Variants in ADCY1 observed in about 807,000 individuals in gnomAD.
ADCY1 encodes the protein adenylate cyclase 1.
ADCY1 carries 28 observed loss-of-function variants against 105.4 expected under a neutral mutation model. That is an observed-to-expected ratio of 0.27 (90% CI 0.20 to 0.36). The LOEUF is 0.36. Ranked by LOEUF, ADCY1 falls within the 10% of genes least tolerant of loss-of-function variation. The pLI, the probability that ADCY1 is intolerant of heterozygous loss-of-function variation, is 1.00. For synonymous variants in ADCY1, 655 were observed against 623.8 expected, an observed-to-expected ratio of 1.05 and a Z score of -0.75; for missense variants, 977 against 1,434.2, an observed-to-expected ratio of 0.68 and a Z score of 5.15.
Position 45,710,339 on chromosome 7 carries a change from C to G in ADCY1, c.2933-189C>G, listed in dbSNP as rs1423769159. On this transcript the variant is annotated intron_variant, in intron 18 of 19. Transcript: ENST00000297323. This position sits in a 1 kb window ranked among gnomAD's most constrained non-coding sequence, Gnocchi z 4.7. ...GCCCAGGGGAGCCCGTGCAGCAGGG[C>G]AGCTGCCTCTCTGGTGCTGTGTGTG... Among the ~76,000 whole-genome samples, 1 of 152,150 alleles carries G rather than the reference C, an allele frequency of 6.6e-6. No individual in the cohort carries two copies. Among genetic ancestry groups the G allele is most frequent in the African/African-American group, 2.4e-5 (1 of 41,428 alleles).
In ADCY1 at chr7:45,717,822, G is replaced by C. The variant is rs779734621; in HGVS notation, c.*3827G>C. 1.3e-5 allele frequency: 2 copies of C among 152,580 alleles called. No individual in the cohort carries two copies. Among genetic ancestry groups the C allele is most frequent in the African/African-American group, 2.4e-5 (1 of 41,440 alleles). 9.5% of individuals were successfully genotyped at this position (152,580 alleles called of 1,614,324 possible). On this transcript the variant is annotated 3_prime_UTR_variant, in exon 20 of 20. Coordinates refer to ENST00000297323, the MANE Select transcript of ADCY1 (RefSeq NM_021116.4). ...ACCCAGCAACCCAAGTTGCCAGCCC[G>C]TGTTTCTCAGACTTTAAAGCCACCA... is the stretch of plus-strand genomic sequence containing the variant.
Position 45,708,297 on chromosome 7 carries a change from C to T in ADCY1, c.2818-53C>T. The T allele has an allele frequency of 7.3e-7, 1 of 1,370,954 alleles. No homozygotes were observed. Among genetic ancestry groups the T allele is most frequent in the Non-Finnish European group, 1.0e-6 (1 of 964,040 alleles). 84.9% of individuals were successfully genotyped at this position (1,370,954 alleles called of 1,614,324 possible). On this transcript the variant is annotated intron_variant, in intron 17 of 19. Coordinates refer to ENST00000297323, the MANE Select transcript of ADCY1 (RefSeq NM_021116.4). The surrounding 1 kb of genome is among the most constrained non-coding windows in gnomAD (Gnocchi z 4.7). ...TGGGCACTGCAGGTTGGTCCCTGGC[C>T]CCCTCTTGCCTTGCACTCCCCAGAT...
chr7:45,712,069 ATATAT>A (rs1295821773), intron 19 of ADCY1, among the ~76,000 whole-genome samples: 3 of 131,586 alleles, frequency 2.3e-5, no homozygotes, highest in Non-Finnish European at 3.1e-5. Context: ...TATATATTTT[ATATAT>A]TATATTAAAT....
intron 3 of ADCY1, among the ~76,000 whole-genome samples, chr7:45,620,169 A>G (rs1793852059): frequency 6.6e-6 from 1 of 152,242 alleles, no homozygotes; most frequent in African/African-American, 2.4e-5. Context: ...GCAATATTCC[A>G]CTTGTATGAG....
chr7:45,583,129 C>G (rs1361442343), intron 1 of ADCY1, among the ~76,000 whole-genome samples: 1 of 152,216 alleles, frequency 6.6e-6, no homozygotes, highest in Non-Finnish European at 1.5e-5. Flanking sequence ...TGCCTGTGTG[C>G]ACACATGTGC....
intron 8 of ADCY1, among the ~76,000 whole-genome samples, chr7:45,674,259 A>G (rs573212579): frequency 5.3e-5 from 8 of 152,186 alleles, no homozygotes; most frequent in Non-Finnish European, 1.2e-4. Context: ...TGCATGGAGT[A>G]TTTTATAAAT....
chr7:45,616,825 G>T (rs1047870179), intron 3 of ADCY1, among the ~76,000 whole-genome samples: 43 of 152,144 alleles, frequency 2.8e-4, no homozygotes, highest in African/African-American at 1.0e-3. Context: ...AGCAATTAGA[G>T]AAGAAAGAAC....
intron 19 of ADCY1, among the ~76,000 whole-genome samples, 191 bp from the exon 20 acceptor site, chr7:45,713,502 A>G (rs1211772439): frequency 6.6e-6 from 1 of 152,190 alleles, no homozygotes. Flanking sequence ...CTTTTTTAAC[A>G]TAGTGACCCA....
In ADCY1 at chr7:45,679,719, G is replaced by A. The variant is rs758123609; in HGVS notation, c.1909G>A (p.Val637Ile). 2.0e-5 allele frequency: 32 copies of A among 1,614,038 alleles called. No homozygotes were observed. The highest frequency in any genetic ancestry group is 1.6e-4 in the African/African-American group (12 of 74,918). ...YLLIFPQSVVVLLLLVFCICF... is the reference protein window; with the variant it reads ...YLLIFPQSVVILLLLVFCICF... ...TTTTCTGTCCCCCAGGAGTGTGGTC[G>A]TCCTGCTCCTGCTAGTATTCTGCAT... Residue 637 changes from valine (V) to isoleucine (I), a missense_variant, in exon 11 of 20, where the codon GTC (valine) becomes ATC (isoleucine). Transcript: ENST00000297323.
chr7:45,615,710 G>A (rs1386672428), intron 3 of ADCY1, among the ~76,000 whole-genome samples: 1 of 152,048 alleles, frequency 6.6e-6, no homozygotes, highest in African/African-American at 2.4e-5. Context: ...AGTAATAAGA[G>A]GGAAGTTCAT....
rs1390397497 is a variant in ADCY1, at chr7:45,703,094, G to C, written c.2455-282G>C. Among the ~76,000 whole-genome samples the C allele has an allele frequency of 6.6e-6, 1 of 152,198 alleles. No individual in the cohort carries two copies. Among genetic ancestry groups the C allele is most frequent in the Non-Finnish European group, 1.5e-5 (1 of 68,028 alleles). ...TTGCTGTAGCATCTGGTCCCTAAGG[G>C]GTGGCGGAGGGCAGGGCGGACCCTG... is the stretch of plus-strand genomic sequence containing the variant. On this transcript the variant is annotated intron_variant, in intron 14 of 19. Transcript: ENST00000297323. The surrounding 1 kb of genome is among the most constrained non-coding windows in gnomAD (Gnocchi z 5.9).
Position 45,648,746 on chromosome 7 carries a change from A to C in ADCY1, c.1097A>C (p.Asp366Ala). The change falls in exon 5 of 20, where the codon GAC (aspartate) becomes GCC (alanine). Residue 366 changes from aspartate (D) to alanine (A), a missense_variant. Physicochemically the swap from Asp to Ala is moderately radical, Grantham distance 126 (BLOSUM62 -2). Around this residue, in one of 7 missense-constraint regions of ADCY1, gnomAD observed 196 missense variants for 347.8 expected, o/e 0.56. Transcript: ENST00000297323. ...TCGGGCCTCACCCAGCCCAAGACTG[A>C]CCATGCCCACTGCTGTGTGGAGATG... is the stretch of plus-strand genomic sequence containing the variant. ...CVSGLTQPKT[D>A]HAHCCVEMGL... is the part of the protein sequence containing the mutation. The C allele has an allele frequency of 1.2e-6, 2 of 1,614,092 alleles. No homozygotes were observed. The highest frequency in any genetic ancestry group is 8.5e-7 in the Non-Finnish European group (1 of 1,180,006).
At chr7:45,596,435 A>G (rs1033899855) in intron 2 of ADCY1, among the ~76,000 whole-genome samples, 4 of 151,492 alleles carry the variant, frequency 2.6e-5, no homozygotes, top group Admixed American at 6.6e-5. Flanking sequence ...GTGTGGACAC[A>G]CCCCAGTCTG....
chr7:45,710,716 CAG>C lies in ADCY1; in HGVS notation c.3057+65_3057+66del. ...TTCTTCAGGTGAGGAAACTGAGGCA[CAG>C]GGGGCCAGAATTGAATCCCCAGTCT... On this transcript the variant is annotated intron_variant, in intron 19 of 19. Coordinates refer to ENST00000297323, the MANE Select transcript of ADCY1 (RefSeq NM_021116.4). This position sits in a 1 kb window ranked among gnomAD's most constrained non-coding sequence, Gnocchi z 4.7. 1.9e-6 allele frequency: 3 copies of C among 1,539,500 alleles called. No homozygotes were observed. Among genetic ancestry groups the C allele is most frequent in the East Asian group, 2.4e-5 (1 of 42,504 alleles).
intron 5 of ADCY1, among the ~76,000 whole-genome samples, chr7:45,652,326 A>T (rs1356718422): frequency 6.6e-6 from 1 of 152,212 alleles, no homozygotes; most frequent in Non-Finnish European, 1.5e-5. Flanking sequence ...TTCTTGAAGC[A>T]TCCCATGCAG....
rs1262039727 is a variant in ADCY1, at chr7:45,694,607, T to A, written c.2454+7934T>A. 2.0e-5 allele frequency among the ~76,000 whole-genome samples: 3 copies of A among 152,334 alleles called. No individual in the cohort carries two copies. In the East Asian group the frequency reaches 5.8e-4, roughly 29 times the overall value. Reference sequence around the variant, plus strand: ...AAATTAAATAATAGAGACCAGTTTCTATAAATGTTTAAGGAATAAAATAAC... The same window carrying A: ...AAATTAAATAATAGAGACCAGTTTCAATAAATGTTTAAGGAATAAAATAAC... On this transcript the variant is annotated intron_variant, in intron 14 of 19. Transcript: ENST00000297323.
At chr7:45,661,995 A>C (rs1562712937) in intron 7 of ADCY1, 64 bp from the exon 8 acceptor site, 14 of 1,556,538 alleles carry the variant, frequency 9.0e-6, no homozygotes, top group Non-Finnish European at 1.1e-5. Context: ...TGGCATTCCC[A>C]GTCCGAGAGG....
In ADCY1 at chr7:45,591,892, C is replaced by T. The variant is rs1461625972; in HGVS notation, c.640-867C>T. ...GTGGGTGCACTGCTAGTGCTGGCTC[C>T]TTCTCAGGCTGGCCCCTTCTTTGTG... On this transcript the variant is annotated intron_variant, in intron 1 of 19. Transcript: ENST00000297323. The surrounding 1 kb of genome is among the most constrained non-coding windows in gnomAD (Gnocchi z 4.1). 6.6e-6 allele frequency among the ~76,000 whole-genome samples: 1 copy of T among 152,200 alleles called. No individual in the cohort carries two copies. Among genetic ancestry groups the T allele is most frequent in the Admixed American group, 6.5e-5 (1 of 15,282 alleles).
chr7:45,621,545 T>C (rs1468594501), intron 3 of ADCY1, among the ~76,000 whole-genome samples: 2 of 152,254 alleles, frequency 1.3e-5, no homozygotes, highest in Non-Finnish European at 2.9e-5. Flanking sequence ...ACCTGGACTC[T>C]AGTCTTATTC....
Sources: gnomAD v4.1 joint callset for allele counts (sites outside exome capture counted in the v4.1 genomes callset) on GRCh38, gnomAD v4.1.1 for gene constraint, gnomAD v4.1.1 regional missense constraint, Gnocchi (gnomAD v3.1) non-coding constraint, MANE v1.5 for transcripts, NCBI Gene and HGNC (gene_info 2026-07-23, HGNC 2026-07-21) for gene names.